PLXDC2: variants seen among roughly 807,000 people sequenced by gnomAD.
PLXDC2 encodes the protein plexin domain containing 2, also known as plexin domain-containing protein 2.
In PLXDC2, 40 loss-of-function variants were observed where a neutral mutation model predicts 68.9. That is an observed-to-expected ratio of 0.58 (90% CI 0.45 to 0.76). The LOEUF (loss-of-function observed/expected upper bound fraction) is 0.76, where lower values mean the gene tolerates loss of function less well. PLXDC2 is among the 30% of genes least tolerant of loss of function. The pLI is 0.00. For synonymous variants in PLXDC2, 243 were observed against 234.2 expected (o/e 1.04, Z -0.34); for missense variants, 644 against 661.9 (o/e 0.97, Z 0.30).
intron 1 of PLXDC2, among the ~76,000 whole-genome samples, chr10:19,934,483 G>GT (rs1289614079): frequency 3.9e-5 from 6 of 152,198 alleles, no homozygotes; most frequent in Admixed American, 6.5e-5. Context: ...CAGACCCAAC[G>GT]TAAGTGCACC....
At chr10:20,032,638 A>T (rs1835518127) in intron 2 of PLXDC2, among the ~76,000 whole-genome samples, 1 of 152,024 alleles carries the variant, frequency 6.6e-6, no homozygotes, top group Admixed American at 6.6e-5. Context: ...TTTGATAACT[A>T]CAAGGTACTG....
At chr10:19,956,867 A>G (rs1231644697) in intron 1 of PLXDC2, among the ~76,000 whole-genome samples, 1 of 152,218 alleles carries the variant, frequency 6.6e-6, no homozygotes, top group Non-Finnish European at 1.5e-5. Context: ...TTACACCCAT[A>G]GGTTACATGA....
intron 1 of PLXDC2, among the ~76,000 whole-genome samples, chr10:19,830,279 A>G (rs528267149): frequency 6.6e-6 from 1 of 152,312 alleles, no homozygotes; most frequent in Admixed American, 6.5e-5. Flanking sequence ...AAGAATCAAT[A>G]CAATCTCTTA....
chr10:20,043,290 A>G (rs1417772344), intron 2 of PLXDC2: 1 of 152,168 alleles, frequency 6.6e-6, no homozygotes, highest in Non-Finnish European at 1.5e-5. Context: ...TCAAATACCA[A>G]GTTCTAGTAT....
chr10:20,068,288 C>A (rs1441368090), intron 4 of PLXDC2, 49 bp downstream of exon 4: 3 of 1,423,214 alleles, frequency 2.1e-6, no homozygotes, highest in Non-Finnish European at 2.9e-6. Flanking sequence ...GGTTTGACTG[C>A]AGTTATTATT....
chr10:19,837,383 AGT>A (rs1564604557), intron 1 of PLXDC2, among the ~76,000 whole-genome samples: 3 of 94,846 alleles, frequency 3.2e-5, no homozygotes, highest in Non-Finnish European at 6.5e-5. Flanking sequence ...TCATTGAGTA[AGT>A]GAGAGAGAGA....
intron 1 of PLXDC2, among the ~76,000 whole-genome samples, chr10:19,956,698 C>T (rs1158697561): frequency 6.6e-6 from 1 of 152,208 alleles, no homozygotes; most frequent in Non-Finnish European, 1.5e-5. Context: ...CTGTATCTGT[C>T]TCACATATTT....
intron 3 of PLXDC2, among the ~76,000 whole-genome samples, chr10:20,052,940 T>A (rs984173211): frequency 6.6e-6 from 1 of 151,976 alleles, no homozygotes; most frequent in East Asian, 1.9e-4. Flanking sequence ...CTAGGAACAT[T>A]TTTTTAAAGA....
intron 1 of PLXDC2, among the ~76,000 whole-genome samples, chr10:19,997,097 A>C (rs1834857349): frequency 6.6e-6 from 1 of 152,142 alleles, no homozygotes; most frequent in Non-Finnish European, 1.5e-5. Flanking sequence ...TTAATAAAAT[A>C]GAGTGTCTAG....
chr10:19,912,337 G>A (rs552681804), intron 1 of PLXDC2, among the ~76,000 whole-genome samples: 1 of 152,262 alleles, frequency 6.6e-6, no homozygotes, highest in East Asian at 1.9e-4. Flanking sequence ...AAATGAAGAG[G>A]AATCAATCTG....
At chr10:19,834,538 C>G (rs1007958184) in intron 1 of PLXDC2, among the ~76,000 whole-genome samples, 1 of 152,202 alleles carries the variant, frequency 6.6e-6, no homozygotes, top group African/African-American at 2.4e-5. Flanking sequence ...CAATACACAT[C>G]TGGCAATAGA....
At chr10:19,883,771 G>A (rs1837783346) in intron 1 of PLXDC2, among the ~76,000 whole-genome samples, 1 of 150,866 alleles carries the variant, frequency 6.6e-6, no homozygotes, top group African/African-American at 2.4e-5. Flanking sequence ...TAAATTCTAT[G>A]TGCCTTTCAG....
At chr10:19,835,161 G>T (rs1261794412) in intron 1 of PLXDC2, among the ~76,000 whole-genome samples, 1 of 152,162 alleles carries the variant, frequency 6.6e-6, no homozygotes, top group Non-Finnish European at 1.5e-5. Flanking sequence ...GCCGGGTGTT[G>T]AATTCTCCCA....
At chr10:19,990,971 G>A (rs958272660) in intron 1 of PLXDC2, among the ~76,000 whole-genome samples, 2 of 152,146 alleles carry the variant, frequency 1.3e-5, no homozygotes, top group Admixed American at 6.5e-5. Context: ...TTCAGGCCGG[G>A]CATGATGGCT....
intron 1 of PLXDC2, among the ~76,000 whole-genome samples, chr10:19,930,681 G>C (rs1156629864): frequency 6.6e-6 from 1 of 152,040 alleles, no homozygotes; most frequent in African/African-American, 2.4e-5. Context: ...ATAAAAAAAA[G>C]GCTGGCACGG....
At chr10:19,872,374 G>A (rs1177735392) in intron 1 of PLXDC2, among the ~76,000 whole-genome samples, 1 of 152,170 alleles carries the variant, frequency 6.6e-6, no homozygotes, top group Non-Finnish European at 1.5e-5. Flanking sequence ...GCCATGATAG[G>A]TCAAAATTGG....
rs61430454 is a variant in PLXDC2 at position 19,852,425 on chromosome 10, C to CAAAAAAAAAAAAAAAAAAAAAAAAA, written c.112+35250_112+35274dup. Reference sequence around the variant, plus strand: ...TGGGTGACAGAGCAAGACCCTGTCTCAAAAAAAAAAAAAAAAAAAAAAAAA... The same window carrying CAAAAAAAAAAAAAAAAAAAAAAAAA: ...TGGGTGACAGAGCAAGACCCTGTCTCAAAAAAAAAAAAAAAAAAAAAAAAAAAAAAAAAAAAAAAAAAAAAAAAAA... On this transcript the variant is annotated intron_variant, in intron 1 of 13. Coordinates refer to ENST00000377252, the MANE Select transcript of PLXDC2 (RefSeq NM_032812.9). Among the ~76,000 whole-genome samples, 3 of 61,938 alleles carry CAAAAAAAAAAAAAAAAAAAAAAAAA rather than the reference C, an allele frequency of 4.8e-5. 1 individual carries two copies. The highest frequency in any genetic ancestry group is 8.7e-5 in the Non-Finnish European group (3 of 34,620). 40.6% of individuals were successfully genotyped at this position (61,938 alleles called of 152,430 possible).
chr10:20,174,844 T>G (rs1486297710), intron 7 of PLXDC2, among the ~76,000 whole-genome samples: 2 of 152,096 alleles, frequency 1.3e-5, no homozygotes, highest in Non-Finnish European at 2.9e-5. Context: ...AGGTTGTTAG[T>G]AAACATTTGA....
chr10:19,820,275 T>C lies in PLXDC2; in HGVS notation c.112+3084T>C, dbSNP rs116871853. Among the ~76,000 whole-genome samples, 502 of 152,284 alleles carry C rather than the reference T, an allele frequency of 3.3e-3. 9 individuals carry two copies. The East Asian group carries it at 0.053, about 16-fold the overall frequency. ...TTGAATAAAACTTAATAATGAAAGA[T>C]AATAATTTTGCTCCAGACAGGTTTC... is the stretch of plus-strand genomic sequence containing the variant. On this transcript the variant is annotated intron_variant, in intron 1 of 13. Transcript: ENST00000377252.
Sources: gnomAD v4.1 joint callset for allele counts (sites outside exome capture counted in the v4.1 genomes callset) on GRCh38, gnomAD v4.1.1 for gene constraint, MANE v1.5 for transcripts, NCBI Gene and HGNC (gene_info 2026-07-23, HGNC 2026-07-21) for gene names.